Variants in TMEM165 observed in about 807,000 individuals in gnomAD.
TMEM165 encodes the protein putative divalent cation/proton antiporter TMEM165.
TMEM165 carries 19 observed loss-of-function variants against 30.0 expected under a neutral mutation model. The ratio of observed to expected loss-of-function variants is 0.63; its 90% CI spans 0.44 to 0.93. The LOEUF is 0.93. TMEM165 is among the 40% of genes least tolerant of loss of function. The pLI is 0.00. For missense variants in TMEM165, 340 were observed against 417.0 expected, an observed-to-expected ratio of 0.82 and a Z score of 1.61; for synonymous variants, 168 against 162.9, an observed-to-expected ratio of 1.03 and a Z score of -0.24.
At chr4:55,449,549 A>G (rs1724240848) in intron 3 of TMEM165, 1 of 1,422,148 alleles carries the variant, frequency 7.0e-7, no homozygotes, top group African/African-American at 1.4e-5. Context: ...TATAGTTTTT[A>G]AAGATTAATC....
chr4:55,447,402 G>A (rs1430006946), intron 3 of TMEM165, among the ~76,000 whole-genome samples: 2 of 152,088 alleles, frequency 1.3e-5, no homozygotes, highest in Admixed American at 1.3e-4. Flanking sequence ...TCATACAAAT[G>A]TTATTTTATT....
chr4:55,408,620 G>A (rs1721369317), intron 1 of TMEM165, among the ~76,000 whole-genome samples: 1 of 152,148 alleles, frequency 6.6e-6, no homozygotes, highest in Non-Finnish European at 1.5e-5. Context: ...GTGCATGTCT[G>A]TACTCTTAAA....
At chr4:55,435,258 G>A (rs2109619935) in intron 3 of TMEM165, 2 of 809,054 alleles carry the variant, frequency 2.5e-6, no homozygotes, top group Non-Finnish European at 2.0e-6. Flanking sequence ...GTAGCACTAG[G>A]CAGCATTTTC....
downstream of TMEM165, chr4:55,429,416 A>G (rs1047354): frequency 0.34 from 51,338 of 151,974 alleles, 9,376 homozygotes; most frequent in East Asian, 0.58. Flanking sequence ...AAGGATCCTC[A>G]AATGTCTAGG....
At chr4:55,431,196 TGA>T (rs890552937) in intron 3 of TMEM165, 3 of 152,210 alleles carry the variant, frequency 2.0e-5, no homozygotes, top group East Asian at 1.9e-4. Flanking sequence ...TCCCCAGGCA[TGA>T]GAGTTGGGTC....
intron 3 of TMEM165, among the ~76,000 whole-genome samples, chr4:55,451,527 A>G (rs1724454203): frequency 6.6e-6 from 1 of 152,200 alleles, no homozygotes; most frequent in African/African-American, 2.4e-5. Context: ...TTTCTCAAAA[A>G]TATCTCAGAA....
intron 2 of TMEM165, among the ~76,000 whole-genome samples, chr4:55,416,459 T>C (rs565505765): frequency 1.3e-5 from 2 of 152,360 alleles, no homozygotes; most frequent in East Asian, 3.9e-4. Flanking sequence ...TCTTTCCTTA[T>C]CAGTGGGAAA....
intron 2 of TMEM165, chr4:55,416,142 A>C (rs1721710914): frequency 6.6e-6 from 1 of 152,194 alleles, no homozygotes; most frequent in African/African-American, 2.4e-5. Context: ...GGCATGAGCC[A>C]CCGTGCCTGG....
intron 3 of TMEM165, chr4:55,433,167 C>G (rs148000690): frequency 4.6e-5 from 7 of 152,634 alleles, no homozygotes; most frequent in African/African-American, 7.2e-5. Context: ...TTGCCATATT[C>G]CACAACATCC....
At chr4:55,400,440 TA>T (rs1351189243) in intron 1 of TMEM165, among the ~76,000 whole-genome samples, 3 of 135,156 alleles carry the variant, frequency 2.2e-5, no homozygotes, top group African/African-American at 8.3e-5. Context: ...AAATATAATA[TA>T]TATAATATAT....
Position 55,396,325 on chromosome 4 carries a change from C to T in TMEM165, c.136C>T (p.Pro46Ser), listed in dbSNP as rs981790132. ...AGACCTTAGCCACCGGAACAAAGAA[C>T]CGCCGGCGCCGGCCCAGCAGCTGCA... ...DEDLSHRNKE[P>S]PAPAQQLQPQ... is the part of the protein sequence containing the mutation. Residue 46 changes from proline (P) to serine (S), a missense_variant, in exon 1 of 6, where the codon CCG becomes TCG. Coordinates refer to ENST00000381334, the MANE Select transcript of TMEM165 (RefSeq NM_018475.5). 2.6e-6 allele frequency: 4 copies of T among 1,519,360 alleles called. No homozygotes were observed. The highest frequency in any genetic ancestry group is 1.2e-5 in the South Asian group (1 of 81,454). 94.1% of individuals were successfully genotyped at this position (1,519,360 alleles called of 1,614,324 possible).
At chr4:55,402,099 CAA>C (rs1360050383) in intron 1 of TMEM165, among the ~76,000 whole-genome samples, 4 of 95,050 alleles carry the variant, frequency 4.2e-5, no homozygotes, top group Non-Finnish European at 1.9e-5. Context: ...GCCTGGGCAA[CAA>C]GAGCAAAACT....
rs766781454 is a variant in TMEM165 at position 55,417,917 on chromosome 4, A to T, written c.724A>T (p.Thr242Ser). 27 of 1,614,046 alleles carry T rather than the reference A, an allele frequency of 1.7e-5. 1 individual carries two copies. In the East Asian group the frequency reaches 5.3e-4, roughly 32 times the overall value. The change falls in exon 4 of 6, where the codon ACA becomes TCA. Residue 242 changes from threonine (T) to serine (S), a missense_variant. Physicochemically the swap from Thr to Ser is moderately conservative, Grantham distance 58. This residue lies in a region of TMEM165 where 220 missense variants were observed against 307.6 expected (regional missense o/e 0.72). Transcript: ENST00000381334. Reference sequence around the variant, plus strand: ...TTCACCCATTTTTGTTCAAGCTCTTACATTAACATTCTTAGCAGAATGGGG... The same window carrying T: ...TTCACCCATTTTTGTTCAAGCTCTTTCATTAACATTCTTAGCAGAATGGGG... Reference protein sequence around the residue: ...FISPIFVQALTLTFLAEWGDR... With the variant: ...FISPIFVQALSLTFLAEWGDR...
chr4:55,428,159 TGG>T (rs1722314143), downstream of TMEM165: 3 of 152,152 alleles, frequency 2.0e-5, no homozygotes, highest in Non-Finnish European at 2.9e-5. Flanking sequence ...GACAAGAGTA[TGG>T]GAAAGAGCAG....
At chr4:55,431,692 C>G (rs569436934) in intron 3 of TMEM165, 2 of 142,004 alleles carry the variant, frequency 1.4e-5, no homozygotes, top group Admixed American at 7.6e-5. Context: ...AACAAACTTT[C>G]AATTACCAAA....
chr4:55,418,822 G>A (rs568498725), intron 4 of TMEM165, among the ~76,000 whole-genome samples: 46 of 152,188 alleles, frequency 3.0e-4, no homozygotes, highest in East Asian at 3.9e-4. Context: ...CAAGGTGGGC[G>A]GATCACCTGA....
downstream of TMEM165, chr4:55,430,556 A>G (rs1722430562): frequency 1.3e-5 from 2 of 152,218 alleles, no homozygotes; most frequent in African/African-American, 4.8e-5. Flanking sequence ...CATTAAAATT[A>G]AAGACCAAAT....
chr4:55,448,584 GCGCGCGCGCA>G (rs1454955321), intron 3 of TMEM165, among the ~76,000 whole-genome samples: 6 of 85,932 alleles, frequency 7.0e-5, no homozygotes, highest in South Asian at 6.2e-4. Flanking sequence ...TTATATATGT[GCGCGCGCGCA>G]CGCGCGCGTG....
rs143500433 is a variant in TMEM165, at chr4:55,438,223, T to C, written c.408+13580T>C. The stretch of plus-strand genomic sequence containing the variant: ...ACTCACAAATCTGTTCACTTAATGC[T>C]TAATTTCATTACATGAAAGTAAATG... On this transcript the variant is annotated intron_variant, in intron 3 of 3. Coordinates refer to the TMEM165 transcript ENST00000608091. 3.8e-6 allele frequency: 6 copies of C among 1,585,122 alleles called. No individual in the cohort carries two copies. The East Asian group carries it at 1.1e-4, about 30-fold the overall frequency.
Sources: allele counts gnomAD v4.1 joint callset (sites outside exome capture counted in the v4.1 genomes callset), GRCh38; gene constraint gnomAD v4.1.1; regional missense constraint gnomAD v4.1.1; transcripts MANE v1.5; gene names NCBI Gene and HGNC (gene_info 2026-07-23, HGNC 2026-07-21).